Variants in CCDC91 observed in about 807,000 individuals in gnomAD.
The protein encoded by CCDC91 is coiled-coil domain containing 91.
CCDC91 carries 48 observed loss-of-function variants against 63.2 expected under a neutral mutation model. The ratio of observed to expected loss-of-function variants is 0.76; its 90% CI spans 0.60 to 0.97. CCDC91 has a LOEUF of 0.97. CCDC91 is among the 50% of genes least tolerant of loss of function. CCDC91 has a pLI of 0.00. For missense variants in CCDC91, 500 were observed against 494.6 expected (o/e 1.01, Z -0.10); for synonymous variants, 167 against 165.8 (o/e 1.01, Z -0.06).
chr12:28,239,107 G>A (rs1945159686), intron 1 of CCDC91, among the ~76,000 whole-genome samples: 1 of 149,380 alleles, frequency 6.7e-6, no homozygotes, highest in African/African-American at 2.5e-5. Context: ...GTGACAGAGC[G>A]AGACTCTGTC....
chr12:28,219,527 A>G (rs1030920602), intron 1 of CCDC91, among the ~76,000 whole-genome samples: 5 of 139,906 alleles, frequency 3.6e-5, no homozygotes, highest in Non-Finnish European at 7.5e-5. Flanking sequence ...GCTGGAGTGC[A>G]GTGGCATGAT....
At chr12:28,198,610 G>A in intron 1 of CCDC91, among the ~76,000 whole-genome samples, 1 of 152,132 alleles carries the variant, frequency 6.6e-6, no homozygotes, top group East Asian at 1.9e-4. Flanking sequence ...TGAGAAGAAT[G>A]TTTAATAAAT....
chr12:28,389,320 A>T (rs1240614017), intron 7 of CCDC91, among the ~76,000 whole-genome samples: 4 of 152,156 alleles, frequency 2.6e-5, no homozygotes, highest in Non-Finnish European at 5.9e-5. Context: ...AAAAATCCTT[A>T]TATACCTACC....
chr12:28,201,898 C>T (rs1016905251), intron 1 of CCDC91, among the ~76,000 whole-genome samples: 4 of 146,460 alleles, frequency 2.7e-5, no homozygotes, highest in East Asian at 2.0e-4. Context: ...CGTGGCGTCG[C>T]GTGCCTGCAA....
intron 12 of CCDC91, among the ~76,000 whole-genome samples, chr12:28,518,746 C>T (rs1247799111): frequency 6.6e-6 from 1 of 151,760 alleles, no homozygotes; most frequent in Non-Finnish European, 1.5e-5. Flanking sequence ...GTCTAGAAGG[C>T]TTTTTCCAAT....
chr12:28,391,228 T>C (rs1297118788), intron 7 of CCDC91, 76 bp from the exon 8 acceptor site: 8 of 814,922 alleles, frequency 9.8e-6, no homozygotes. Flanking sequence ...TGTACAACTG[T>C]CAAAAATATT....
At chr12:28,315,171 A>T (rs1003696751) in intron 6 of CCDC91, among the ~76,000 whole-genome samples, 167 of 150,794 alleles carry the variant, frequency 1.1e-3, no homozygotes, top group Middle Eastern at 6.8e-3. Context: ...ATATATATAT[A>T]TTTTTGTTTT....
Position 28,305,688 on chromosome 12 carries a change from T to C in CCDC91, c.149T>C (p.Val50Ala). ...VHLSPSSPEIVLDRDHSSSIG... is the reference protein window; with the variant it reads ...VHLSPSSPEIALDRDHSSSIG... ...CTTTCACCATCTTCTCCTGAGATTG[T>C]ACTGGACCGTGACCACTCTTCTTCC... Residue 50 changes from valine to alanine, a missense_variant, in exon 4 of 13, where the codon GTA (valine) becomes GCA (alanine). Val to Ala is a moderately conservative substitution (Grantham distance 64). Coordinates refer to ENST00000536442, the MANE Select transcript of CCDC91 (RefSeq NM_018318.5). 1 of 1,613,382 alleles carries C rather than the reference T, an allele frequency of 6.2e-7. No homozygotes were observed. Among genetic ancestry groups the C allele is most frequent in the Non-Finnish European group, 8.5e-7 (1 of 1,179,516 alleles).
chr12:28,435,193 T>G (rs1948840388), intron 8 of CCDC91, among the ~76,000 whole-genome samples: 1 of 151,792 alleles, frequency 6.6e-6, no homozygotes, highest in African/African-American at 2.4e-5. Context: ...AATTTGCTCC[T>G]CTTTTTCTCC....
chr12:28,349,747 A>T (rs1943053909), intron 6 of CCDC91, among the ~76,000 whole-genome samples: 1 of 151,674 alleles, frequency 6.6e-6, no homozygotes, highest in South Asian at 2.1e-4. Flanking sequence ...TTTCTTGTTT[A>T]CTCTGGTACT....
chr12:28,301,866 A>G (rs1226696870), intron 3 of CCDC91, among the ~76,000 whole-genome samples: 1 of 151,564 alleles, frequency 6.6e-6, no homozygotes, highest in Admixed American at 6.6e-5. Context: ...ATTGCTTACT[A>G]ATTTTTTCTG....
chr12:28,341,405 C>T lies in CCDC91; in HGVS notation c.577-21033C>T, dbSNP rs1592363834. On this transcript the variant is annotated intron_variant, in intron 6 of 12. Coordinates refer to ENST00000536442, the MANE Select transcript of CCDC91 (RefSeq NM_018318.5). ...CTTTCCGGCCCCCCTCCCATATCAT[C>T]ACTTTGATACTAACTCTTCTGGCTC... Among the ~76,000 whole-genome samples, 3 of 152,172 alleles carry T rather than the reference C, an allele frequency of 2.0e-5. No homozygotes were observed. The East Asian group carries it at 5.8e-4, about 29-fold the overall frequency.
At chr12:28,392,861 A>T (rs1270589604) in intron 8 of CCDC91, among the ~76,000 whole-genome samples, 2 of 152,192 alleles carry the variant, frequency 1.3e-5, no homozygotes, top group Non-Finnish European at 2.9e-5. Context: ...TGACCTGAAG[A>T]AGTAGAACTA....
intron 8 of CCDC91, among the ~76,000 whole-genome samples, chr12:28,393,237 C>T (rs1946059176): frequency 2.0e-5 from 3 of 152,012 alleles, no homozygotes; most frequent in Non-Finnish European, 4.4e-5. Flanking sequence ...ATTGGGAGCC[C>T]AGGGGTCGTT....
chr12:28,481,842 A>C (rs1361323991), intron 11 of CCDC91, among the ~76,000 whole-genome samples: 1 of 151,976 alleles, frequency 6.6e-6, no homozygotes, highest in Non-Finnish European at 1.5e-5. Flanking sequence ...AGCCTCAAAA[A>C]TTTCAACTGA....
At chr12:28,275,232 TAAA>T (rs1948116939) in intron 3 of CCDC91, among the ~76,000 whole-genome samples, 1 of 151,370 alleles carries the variant, frequency 6.6e-6, no homozygotes, top group South Asian at 2.1e-4. Flanking sequence ...GCAAGACTAA[TAAA>T]GAAGAAAAGA....
Position 28,285,266 on chromosome 12 carries a change from C to G in CCDC91, c.110-20383C>G, listed in dbSNP as rs148115878. On this transcript the variant is annotated intron_variant, in intron 3 of 12. Transcript: ENST00000536442. The stretch of plus-strand genomic sequence containing the variant: ...GGCTTTCGAGATGAACAGTTATTTT[C>G]TTGTTGAATTTGCTCCTGTTCGAGG... 1.9e-3 allele frequency among the ~76,000 whole-genome samples: 296 copies of G among 152,168 alleles called. 3 individuals carry two copies. Among genetic ancestry groups the G allele is most frequent in the African/African-American group, 6.7e-3 (278 of 41,526 alleles).
intron 12 of CCDC91, among the ~76,000 whole-genome samples, chr12:28,511,336 C>T (rs1046861122): frequency 6.6e-6 from 1 of 151,876 alleles, no homozygotes; most frequent in Non-Finnish European, 1.5e-5. Flanking sequence ...TGAAATCTTC[C>T]AAAGGTTTTC....
intron 12 of CCDC91, among the ~76,000 whole-genome samples, chr12:28,541,227 G>C (rs1350328626): frequency 1.3e-5 from 2 of 152,092 alleles, no homozygotes; most frequent in African/African-American, 2.4e-5. Context: ...CAATCAACAA[G>C]TATTAACAGT....
Sources: gnomAD v4.1 joint callset for allele counts (sites outside exome capture counted in the v4.1 genomes callset) on GRCh38, gnomAD v4.1.1 for gene constraint, MANE v1.5 for transcripts, NCBI Gene and HGNC (gene_info 2026-07-23, HGNC 2026-07-21) for gene names.